Variants in TSHZ2 observed in about 807,000 individuals in gnomAD.
The protein encoded by TSHZ2 is teashirt homolog 2.
Under a neutral mutation model 74.4 loss-of-function variants are expected in TSHZ2, and 21 were observed. The ratio of observed to expected loss-of-function variants is 0.28; its 90% CI spans 0.20 to 0.41. The LOEUF is 0.41. Among genes scored for constraint, TSHZ2 ranks in the 10% least tolerant of loss-of-function variants. The probability of loss-of-function intolerance (pLI) is 1.00; values close to 1 mark genes in which losing one functional copy is unlikely to be tolerated. For missense variants in TSHZ2, 1,244 were observed against 1,293.5 expected (o/e 0.96, Z 0.59); for synonymous variants, 540 against 515.3 (o/e 1.05, Z -0.65).
chr20:53,256,376 G>A lies in TSHZ2; in HGVS notation c.2918G>A (p.Arg973Gln), dbSNP rs201353411. The change falls in exon 2 of 3, where the codon CGG (arginine) becomes CAG (glutamine). Residue 973 changes from arginine (R) to glutamine (Q), a missense_variant. By Grantham distance (43) the Arg-to-Gln change is conservative. This residue lies in a region of TSHZ2 where 185 missense variants were observed against 213.3 expected (regional missense o/e 0.87). Transcript: ENST00000371497. This position sits in a 1 kb window ranked among gnomAD's most constrained non-coding sequence, Gnocchi z 4.3. ...AGCAAGGTGGAGCAAGAGATCTCCC[G>A]GGTATCGTCGGCTCAGAGGTCTCCA... Reference protein sequence around the residue: ...QQSKVEQEISRVSSAQRSPET... With the variant: ...QQSKVEQEISQVSSAQRSPET... 174 of 1,613,252 alleles carry A rather than the reference G, an allele frequency of 1.1e-4. No individual in the cohort carries two copies. Among genetic ancestry groups the A allele is most frequent in the Non-Finnish European group, 1.3e-4 (157 of 1,179,374 alleles).
At chr20:52,975,633 A>G (rs1568700305) in intron 1 of TSHZ2, among the ~76,000 whole-genome samples, 1 of 152,078 alleles carries the variant, frequency 6.6e-6, no homozygotes. Flanking sequence ...TATTTTCACC[A>G]GAAGCGGAAA....
chr20:53,407,087 C>A (rs1293124606), intron 2 of TSHZ2, among the ~76,000 whole-genome samples: 2 of 152,154 alleles, frequency 1.3e-5, no homozygotes, highest in Non-Finnish European at 2.9e-5. Flanking sequence ...TACAGTGACC[C>A]CTGACGAAGC....
rs73620437 is a variant in TSHZ2 at position 53,241,449 on chromosome 20, T to C, written c.41-12050T>C. The stretch of plus-strand genomic sequence containing the variant: ...TAGAAATGCTAATCCCTTTTATCAT[T>C]AACTTTTTTATTCGTTTGTTTCTTG... On this transcript the variant is annotated intron_variant, in intron 1 of 2. Coordinates refer to ENST00000371497, the MANE Select transcript of TSHZ2 (RefSeq NM_173485.6). Among the ~76,000 whole-genome samples the C allele has an allele frequency of 1.9e-3, 293 of 152,310 alleles. 7 individuals are homozygous for C. In the East Asian group the frequency reaches 0.05, roughly 26 times the overall value.
rs371836778 is a variant in TSHZ2, at chr20:53,491,542, T to G, written c.*4407T>G. The G allele has an allele frequency of 6.6e-6, 1 of 152,188 alleles. No homozygotes were observed. Among genetic ancestry groups the G allele is most frequent in the African/African-American group, 2.4e-5 (1 of 41,446 alleles). 9.4% of individuals were successfully genotyped at this position (152,188 alleles called of 1,614,324 possible). Reference sequence around the variant, plus strand: ...CCAAAGTAAAAGCCACTTATCTCCTTTGGTTCCCAGTGACAGATTCAGAGG... The same window carrying G: ...CCAAAGTAAAAGCCACTTATCTCCTGTGGTTCCCAGTGACAGATTCAGAGG... On this transcript the variant is annotated 3_prime_UTR_variant, in exon 3 of 3. Transcript: ENST00000371497.
chr20:53,049,093 G>A (rs1205847239), intron 1 of TSHZ2, among the ~76,000 whole-genome samples: 1 of 152,086 alleles, frequency 6.6e-6, no homozygotes, highest in Admixed American at 6.5e-5. Context: ...TTTGTAAAAT[G>A]CCCAGAAGCC....
intron 2 of TSHZ2, among the ~76,000 whole-genome samples, chr20:53,302,366 A>G (rs542541525): frequency 6.6e-6 from 1 of 152,248 alleles, no homozygotes; most frequent in Admixed American, 6.5e-5. Flanking sequence ...ATTGAGACCC[A>G]TTTTGGCCTT....
At chr20:53,073,885 T>C (rs763179387) in intron 1 of TSHZ2, among the ~76,000 whole-genome samples, 2 of 152,224 alleles carry the variant, frequency 1.3e-5, no homozygotes, top group Non-Finnish European at 2.9e-5. Flanking sequence ...ATACTATACA[T>C]TAGCTAAAAG....
intron 2 of TSHZ2, among the ~76,000 whole-genome samples, chr20:53,334,993 T>G (rs1214078697): frequency 6.6e-6 from 1 of 152,190 alleles, no homozygotes; most frequent in Admixed American, 6.5e-5. Context: ...GATGTACTAT[T>G]TTTAAAGAAT....
At chr20:53,439,013 T>TAATAA (rs2145751611) in intron 2 of TSHZ2, among the ~76,000 whole-genome samples, 1 of 152,330 alleles carries the variant, frequency 6.6e-6, no homozygotes, top group South Asian at 2.1e-4. Context: ...CAATTATTTA[T>TAATAA]GGCAGTTATA....
At chr20:53,378,932 C>A (rs1981758940) in intron 2 of TSHZ2, among the ~76,000 whole-genome samples, 1 of 152,278 alleles carries the variant, frequency 6.6e-6, no homozygotes, top group African/African-American at 2.4e-5. Context: ...TATTCTTTCT[C>A]GGGAAACACT....
At chr20:53,117,695 A>G (rs915640664) in intron 1 of TSHZ2, among the ~76,000 whole-genome samples, 2 of 152,204 alleles carry the variant, frequency 1.3e-5, no homozygotes, top group African/African-American at 4.8e-5. Context: ...AGGCTTAGTT[A>G]ATGGCATTGA....
chr20:53,254,838 A>G lies in TSHZ2; in HGVS notation c.1380A>G (p.Leu460=), dbSNP rs1490398257. The G allele has an allele frequency of 1.2e-6, 2 of 1,614,062 alleles. No individual in the cohort carries two copies. Among genetic ancestry groups the G allele is most frequent in the East Asian group, 4.5e-5 (2 of 44,886 alleles). The part of the protein sequence containing the change: ...ASDCTASTTE[L]KKESKKERPE... The stretch of plus-strand genomic sequence containing the variant: ...ATTGTACAGCCTCTACAACTGAGTT[A>G]AAGAAAGAGAGTAAAAAAGAAAGGC... Residue 460 remains leucine (L), a synonymous_variant, in exon 2 of 3, where the codon TTA becomes TTG. Transcript: ENST00000371497.
Position 53,256,308 on chromosome 20 carries a change from T to C in TSHZ2, c.2850T>C (p.Gly950=). The change falls in exon 2 of 3, where the codon GGT becomes GGC. Residue 950 remains glycine, a synonymous_variant. Coordinates refer to ENST00000371497, the MANE Select transcript of TSHZ2 (RefSeq NM_173485.6). The surrounding 1 kb of genome is among the most constrained non-coding windows in gnomAD (Gnocchi z 4.3). ...TYISHLESHL[G]FQMKDMTRLS... ...TCAGTCACTTAGAATCTCACCTGGGTTTCCAAATGAAGGACATGACCCGCT... is the reference window on the plus strand; with the variant it reads ...TCAGTCACTTAGAATCTCACCTGGGCTTCCAAATGAAGGACATGACCCGCT... 6.2e-7 allele frequency: 1 copy of C among 1,613,832 alleles called. No individual in the cohort carries two copies. Among genetic ancestry groups the C allele is most frequent in the Non-Finnish European group, 8.5e-7 (1 of 1,179,872 alleles).
intron 1 of TSHZ2, among the ~76,000 whole-genome samples, chr20:53,214,505 G>A (rs1042993942): frequency 2.6e-5 from 4 of 152,144 alleles, no homozygotes; most frequent in Admixed American, 1.3e-4. Flanking sequence ...GGCCAATATC[G>A]TGGCCAAGAC....
intron 1 of TSHZ2, among the ~76,000 whole-genome samples, chr20:53,168,413 A>C (rs1204240124): frequency 6.6e-6 from 1 of 152,214 alleles, no homozygotes; most frequent in Non-Finnish European, 1.5e-5. Flanking sequence ...GTTCTTAGTT[A>C]AACTCCAAAA....
chr20:53,057,738 T>A (rs1984688855), intron 1 of TSHZ2, among the ~76,000 whole-genome samples: 1 of 152,164 alleles, frequency 6.6e-6, no homozygotes, highest in African/African-American at 2.4e-5. Flanking sequence ...GAAACAGTGA[T>A]GAACACGCAT....
intron 2 of TSHZ2, among the ~76,000 whole-genome samples, chr20:53,320,171 C>A (rs1273532651): frequency 6.6e-6 from 1 of 152,210 alleles, no homozygotes; most frequent in Non-Finnish European, 1.5e-5. Context: ...GTGTGCCAGG[C>A]TTTGTCCTGA....
intron 1 of TSHZ2, chr20:53,168,552 C>T (rs1381232394): frequency 2.0e-5 from 3 of 152,206 alleles, no homozygotes; most frequent in Non-Finnish European, 4.4e-5. Context: ...ATATGGATTC[C>T]ATGACATACT....
At chr20:53,132,245 A>G (rs1201602829) in intron 1 of TSHZ2, among the ~76,000 whole-genome samples, 1 of 151,854 alleles carries the variant, frequency 6.6e-6, no homozygotes, top group East Asian at 1.9e-4. Context: ...GGGTCAGCTT[A>G]TATGTCTCTA....
Sources: gnomAD v4.1 joint callset for allele counts (sites outside exome capture counted in the v4.1 genomes callset) on GRCh38, gnomAD v4.1.1 for gene constraint, gnomAD v4.1.1 regional missense constraint, Gnocchi (gnomAD v3.1) non-coding constraint, MANE v1.5 for transcripts, NCBI Gene and HGNC (gene_info 2026-07-23, HGNC 2026-07-21) for gene names.